Variants in UNC80 observed in about 807,000 individuals in gnomAD.
UNC80 encodes unc-80 subunit of NALCN channel complex, also known as protein unc-80 homolog.
UNC80 carries 164 observed loss-of-function variants against 384.6 expected under a neutral mutation model. The observed-to-expected ratio is 0.43, with a 90% CI of 0.38 to 0.49. UNC80 has a LOEUF of 0.49. Among genes scored for constraint, UNC80 ranks in the 20% least tolerant of loss-of-function variants. UNC80 has a pLI of 0.00. For synonymous variants in UNC80, 1,486 were observed against 1,527.8 expected, an observed-to-expected ratio of 0.97 and a Z score of 0.64; for missense variants, 3,330 against 4,143.0, an observed-to-expected ratio of 0.80 and a Z score of 5.39.
Position 209,815,275 on chromosome 2 carries a change from A to G in UNC80, c.1219A>G (p.Asn407Asp), listed in dbSNP as rs2079650109. 6.4e-6 allele frequency: 10 copies of G among 1,551,548 alleles called. No homozygotes were observed. Among genetic ancestry groups the G allele is most frequent in the Non-Finnish European group, 8.7e-6 (10 of 1,146,990 alleles). The change falls in exon 9 of 65, where the codon AAC becomes GAC. Residue 407 changes from asparagine to aspartate, a missense_variant. Physicochemically the swap from Asn to Asp is conservative, Grantham distance 23. Around this residue, in one of 8 missense-constraint regions of UNC80, gnomAD observed 937 missense variants for 1,026.8 expected, o/e 0.91. Transcript: ENST00000673920. ...HKTQDLTMKC[N>D]EEEKSLSSEA... ...TATTAAGGATCTCACCATGAAGTGT[A>G]ACGAGGAGGAAAAATCTCTTAGCTC...
rs1574885439 is a variant in UNC80 at position 209,885,215 on chromosome 2, G to T, written c.4111-2880G>T. Among the ~76,000 whole-genome samples the T allele has an allele frequency of 2.0e-5, 3 of 152,076 alleles. No homozygotes were observed. In the South Asian group the frequency reaches 6.2e-4, roughly 32 times the overall value. On this transcript the variant is annotated intron_variant, in intron 25 of 64. Transcript: ENST00000673920. ...AAAGTATGAGCAAGGTGGTGTGATG[G>T]TTGCAGGGGTGGGGATGAAGGTGAT... is the stretch of plus-strand genomic sequence containing the variant.
In UNC80 at chr2:209,877,971, G is replaced by A. The variant is rs1193180808; in HGVS notation, c.3858G>A (p.Leu1286=). The change falls in exon 24 of 65, where the codon TTG becomes TTA. Residue 1286 remains leucine, a synonymous_variant. Transcript: ENST00000673920. ...CATTTTAGGCAATTGGCGTCCGATTGAATGAGCTGTGCCACGGGGAAAGTG... is the reference window on the plus strand; with the variant it reads ...CATTTTAGGCAATTGGCGTCCGATTAAATGAGCTGTGCCACGGGGAAAGTG... ...YQWGDAIGVR[L]NELCHGESES... The A allele has an allele frequency of 1.2e-5, 18 of 1,535,036 alleles. No homozygotes were observed. The highest frequency in any genetic ancestry group is 1.7e-4 in the Middle Eastern group (1 of 5,920).
At position 209,793,600 on chromosome 2, in the gene UNC80, G is replaced by GA. The variant is rs1024844401; in HGVS notation, c.799-113dup. The stretch of plus-strand genomic sequence containing the variant: ...CCATAATATCATAATTAACTATAGT[G>GA]AAAAAAAGCCCATATATGGAACCAT... On this transcript the variant is annotated intron_variant, in intron 6 of 64. Coordinates refer to ENST00000673920, the MANE Select transcript of UNC80 (RefSeq NM_001371986.1). 9.8e-6 allele frequency: 12 copies of GA among 1,219,892 alleles called. No homozygotes were observed. The African/African-American group carries it at 1.4e-4, about 14-fold the overall frequency. The allele number at this position is 1,219,892 out of a possible 1,614,324, so 75.6% of individuals were successfully genotyped here.
intron 61 of UNC80, among the ~76,000 whole-genome samples, chr2:209,988,230 G>A (rs367964679): frequency 1.3e-5 from 2 of 152,142 alleles, no homozygotes; most frequent in East Asian, 1.9e-4. Context: ...ATCACTCAGG[G>A]TAAACGATGA....
chr2:209,927,067 CATT>C (rs2090491397), intron 36 of UNC80, 81 bp downstream of exon 36: 1 of 1,434,324 alleles, frequency 7.0e-7, no homozygotes, highest in South Asian at 1.3e-5. Flanking sequence ...CTCTTAAACA[CATT>C]ATCTACTGGC....
At chr2:209,856,431 A>G (rs1032475045) in intron 22 of UNC80, among the ~76,000 whole-genome samples, 1 of 152,080 alleles carries the variant, frequency 6.6e-6, no homozygotes, top group Non-Finnish European at 1.5e-5. Context: ...CATTTTAATG[A>G]AGAGATTTTA....
In UNC80 at chr2:209,881,145, G is replaced by A. The variant is rs116439928; in HGVS notation, c.4110+51G>A. On this transcript the variant is annotated intron_variant, in intron 25 of 64. Transcript: ENST00000673920. ...ATCAGGTTACTCGGAGAGGCCAGGCGTGTGTCTGGGTTTCCAAGATTCACA... is the reference window on the plus strand; with the variant it reads ...ATCAGGTTACTCGGAGAGGCCAGGCATGTGTCTGGGTTTCCAAGATTCACA... 1,635 of 1,520,268 alleles carry A rather than the reference G, an allele frequency of 1.1e-3. 10 individuals are homozygous for A. In the African/African-American group the frequency reaches 0.015, roughly 14 times the overall value. 94.2% of individuals were successfully genotyped at this position (1,520,268 alleles called of 1,614,324 possible). A position where few individuals can be genotyped will look rare whatever the true frequency, so the allele number is the denominator to read the frequency against.
chr2:209,991,743 T>C (rs2093396062), intron 61 of UNC80, among the ~76,000 whole-genome samples: 1 of 152,234 alleles, frequency 6.6e-6, no homozygotes, highest in African/African-American at 2.4e-5. Flanking sequence ...TTTGTCCATC[T>C]TATTTTCATT....
At chr2:209,905,646 TTACAGCAGCA>T (rs2088098517) in intron 29 of UNC80, among the ~76,000 whole-genome samples, 2 of 152,196 alleles carry the variant, frequency 1.3e-5, no homozygotes, top group South Asian at 4.1e-4. Flanking sequence ...TGGTCACTTG[TTACAGCAGCA>T]ACAGGAAACT....
chr2:209,842,036 C>G (rs2081797716), intron 20 of UNC80, among the ~76,000 whole-genome samples: 1 of 152,164 alleles, frequency 6.6e-6, no homozygotes, highest in Non-Finnish European at 1.5e-5. Flanking sequence ...ATGACTATGT[C>G]TCGCTATTCA....
rs1320692266 is a variant in UNC80, at chr2:209,929,841, C to A, written c.5807-30C>A. On this transcript the variant is annotated intron_variant, in intron 36 of 64. Transcript: ENST00000673920. ...CTCATAGACTTAACTCCATTAAAGACAAATGTTCAACTTTCTTTCTCTTCT... is the reference window on the plus strand; with the variant it reads ...CTCATAGACTTAACTCCATTAAAGAAAAATGTTCAACTTTCTTTCTCTTCT... The A allele has an allele frequency of 2.1e-6, 3 of 1,444,192 alleles. No homozygotes were observed. In the South Asian group the frequency reaches 4.1e-5, roughly 20 times the overall value. 89.5% of individuals were successfully genotyped at this position (1,444,192 alleles called of 1,614,324 possible).
At chr2:209,995,116 G>A (rs1196707748) in intron 64 of UNC80, among the ~76,000 whole-genome samples, 1 of 152,094 alleles carries the variant, frequency 6.6e-6, no homozygotes, top group Non-Finnish European at 1.5e-5. Context: ...TACAAGATAA[G>A]CAAGACAAAA....
chr2:209,986,547 A>C (rs1328771531), intron 61 of UNC80, among the ~76,000 whole-genome samples: 1 of 152,210 alleles, frequency 6.6e-6, no homozygotes, highest in African/African-American at 2.4e-5. Flanking sequence ...TTCAGAGCCA[A>C]AGCTATTGAT....
intron 21 of UNC80, among the ~76,000 whole-genome samples, chr2:209,846,606 T>G (rs1215482107): frequency 6.6e-6 from 1 of 152,112 alleles, no homozygotes. Context: ...CATCCCTTAT[T>G]GGATTTAAAA....
chr2:209,945,102 G>T lies in UNC80; in HGVS notation c.7102G>T (p.Asp2368Tyr), dbSNP rs1458372768. ...AGGTGTGTCAGCTCAGTGCCTGTTT[G>T]ACTTGCTGCAGTCCCTAGAGGGAGA... ...SKGVSAQCLF[D>Y]LLQSLEGETT... Residue 2368 changes from aspartate (D) to tyrosine (Y), a missense_variant, in exon 46 of 65, where the codon GAC (aspartate) becomes TAC (tyrosine). Around this residue, in one of 8 missense-constraint regions of UNC80, gnomAD observed 1,049 missense variants for 1,488.6 expected, o/e 0.70. Coordinates refer to ENST00000673920, the MANE Select transcript of UNC80 (RefSeq NM_001371986.1). 1 of 1,551,634 alleles carries T rather than the reference G, an allele frequency of 6.4e-7. No individual in the cohort carries two copies. The highest frequency in any genetic ancestry group is 8.7e-7 in the Non-Finnish European group (1 of 1,146,940).
intron 39 of UNC80, among the ~76,000 whole-genome samples, chr2:209,934,242 C>T (rs1390213288): frequency 6.6e-6 from 1 of 152,096 alleles, no homozygotes; most frequent in African/African-American, 2.4e-5. Context: ...ATGAATCAGT[C>T]CTTGAAGGGC....
At chr2:209,860,510 A>G (rs982559535) in intron 22 of UNC80, among the ~76,000 whole-genome samples, 1 of 152,164 alleles carries the variant, frequency 6.6e-6, no homozygotes, top group Non-Finnish European at 1.5e-5. Flanking sequence ...CTTTTTGCTT[A>G]GGATTGTCTT....
chr2:209,779,458 A>G (rs2077040109), intron 4 of UNC80, among the ~76,000 whole-genome samples: 1 of 151,636 alleles, frequency 6.6e-6, no homozygotes, highest in Non-Finnish European at 1.5e-5. Context: ...GCTACTCTCG[A>G]GCAACTAGCA....
At chr2:209,954,052 A>G in intron 47 of UNC80, 48 bp from the exon 48 acceptor site, 1 of 1,515,832 alleles carries the variant, frequency 6.6e-7, no homozygotes, top group East Asian at 2.5e-5. Context: ...CACAACCAAC[A>G]AAAGTAGAAT....
Sources: gnomAD v4.1 joint callset for allele counts (sites outside exome capture counted in the v4.1 genomes callset) on GRCh38, gnomAD v4.1.1 for gene constraint, gnomAD v4.1.1 regional missense constraint, MANE v1.5 for transcripts, NCBI Gene and HGNC (gene_info 2026-07-23, HGNC 2026-07-21) for gene names.